TTC12: variants seen among roughly 807,000 people sequenced by gnomAD.
The protein encoded by TTC12 is tetratricopeptide repeat protein 12.
Under a neutral mutation model 90.1 loss-of-function variants are expected in TTC12, and 70 were observed. The ratio of observed to expected loss-of-function variants is 0.78; its 90% CI spans 0.64 to 0.95. TTC12 has a LOEUF of 0.95. Ranked by LOEUF, TTC12 falls within the 40% of genes least tolerant of loss-of-function variation. The pLI is 0.00. For synonymous variants in TTC12, 296 were observed against 311.5 expected (o/e 0.95, Z 0.53); for missense variants, 819 against 846.1 (o/e 0.97, Z 0.40).
Position 113,340,839 on chromosome 11 carries a change from C to G in TTC12, c.896+106C>G, listed in dbSNP as rs986455681. ...AGACAGTCACGTTTCTGAACATTAC[C>G]CCCCTTCAGTCAGTAGTGGGGGGCT... On this transcript the variant is annotated intron_variant, in intron 11 of 21. Transcript: ENST00000529221. 1.3e-5 allele frequency: 12 copies of G among 950,054 alleles called. No homozygotes were observed. In the African/African-American group the frequency reaches 1.9e-4, roughly 15 times the overall value. 58.9% of individuals were successfully genotyped at this position (950,054 alleles called of 1,614,324 possible).
Position 113,325,533 on chromosome 11 carries a change from A to G in TTC12, c.332A>G (p.Glu111Gly). 2 of 1,613,734 alleles carry G rather than the reference A, an allele frequency of 1.2e-6. No homozygotes were observed. The highest frequency in any genetic ancestry group is 2.7e-5 in the African/African-American group (2 of 75,020). Residue 111 changes from glutamate (E) to glycine (G), a missense_variant, in exon 6 of 22, where the codon GAA (glutamate) becomes GGA (glycine). Transcript: ENST00000529221. ...ACTTATATTCCCATAGCCCTAAAAG[A>G]AAAAGGGAATGAAGCATTTGCTGAA... ...ENKVLADALK[E>G]KGNEAFAEGN... is the part of the protein sequence containing the mutation.
chr11:113,355,074 A>C (rs1385849189), intron 16 of TTC12, among the ~76,000 whole-genome samples: 1 of 152,190 alleles, frequency 6.6e-6, no homozygotes, highest in African/African-American at 2.4e-5. Context: ...TCAGCTGTGA[A>C]TCTAGCTGGT....
intron 11 of TTC12, 49 bp downstream of exon 11, chr11:113,340,782 C>T (rs1555145769): frequency 2.7e-6 from 4 of 1,468,734 alleles, no homozygotes; most frequent in Non-Finnish European, 3.8e-6. Flanking sequence ...GGGAAGATAA[C>T]CACTGCTTAT....
intron 2 of TTC12, among the ~76,000 whole-genome samples, chr11:113,317,767 A>G (rs1165637703): frequency 6.6e-6 from 1 of 151,856 alleles, no homozygotes. Flanking sequence ...CACACTCTGC[A>G]CTGGATCTTT....
intron 7 of TTC12, among the ~76,000 whole-genome samples, chr11:113,331,571 C>A (rs1267679488): frequency 6.6e-6 from 1 of 152,164 alleles, no homozygotes; most frequent in Non-Finnish European, 1.5e-5. Context: ...AACTTTAAAC[C>A]CCGTAATCCC....
intron 1 of TTC12, among the ~76,000 whole-genome samples, chr11:113,315,741 G>A (rs12802470): frequency 0.067 from 10,139 of 152,280 alleles, 542 homozygotes; most frequent in Middle Eastern, 0.16. Context: ...CAGTCAATTT[G>A]TACCCTTTCT....
intron 18 of TTC12, among the ~76,000 whole-genome samples, chr11:113,361,964 A>G (rs1220925665): frequency 6.6e-6 from 1 of 151,852 alleles, no homozygotes; most frequent in Non-Finnish European, 1.5e-5. Flanking sequence ...TAAAAAAAAA[A>G]AAAAAGAAAG....
chr11:113,355,115 A>G (rs543807912), intron 16 of TTC12, among the ~76,000 whole-genome samples: 54 of 152,234 alleles, frequency 3.5e-4, no homozygotes, highest in African/African-American at 1.3e-3. Flanking sequence ...TAGGCTCTTT[A>G]TTACTGACTT....
At chr11:113,337,464 C>A (rs11214579) in intron 8 of TTC12, among the ~76,000 whole-genome samples, 96,453 of 151,938 alleles carry the variant, frequency 0.63, 30,841 homozygotes, top group African/African-American at 0.68. Context: ...GAGGGAGTGA[C>A]GTGAGCAAAC....
intron 6 of TTC12, chr11:113,329,656 G>C: frequency 1.8e-6 from 1 of 559,712 alleles, no homozygotes; most frequent in South Asian, 1.5e-5. Context: ...GGTAATGGCT[G>C]TCCACTGTTG....
chr11:113,369,612 T>C (rs1950328625), downstream of TTC12, among the ~76,000 whole-genome samples: 1 of 152,148 alleles, frequency 6.6e-6, no homozygotes, highest in African/African-American at 2.4e-5. Context: ...GAGTCAGAAT[T>C]TGACCCCAAG....
At chr11:113,365,144 G>T in intron 21 of TTC12, 84 bp downstream of exon 21, 1 of 1,219,228 alleles carries the variant, frequency 8.2e-7, no homozygotes, top group South Asian at 1.3e-5. Flanking sequence ...GGGACTGCAT[G>T]CCACACAGAA....
intron 13 of TTC12, among the ~76,000 whole-genome samples, chr11:113,345,491 TG>T (rs1352592401): frequency 6.6e-6 from 1 of 152,228 alleles, no homozygotes; most frequent in Non-Finnish European, 1.5e-5. Context: ...AACTGGCTCC[TG>T]TTCCTTCCAG....
chr11:113,316,644 C>A (rs1555135783), intron 2 of TTC12, among the ~76,000 whole-genome samples: 5 of 152,220 alleles, frequency 3.3e-5, no homozygotes, highest in Non-Finnish European at 7.3e-5. Context: ...CTTCAAGGGT[C>A]AAGAACCTCA....
chr11:113,362,041 A>T (rs879985980), intron 18 of TTC12, among the ~76,000 whole-genome samples: 1 of 152,148 alleles, frequency 6.6e-6, no homozygotes, highest in Non-Finnish European at 1.5e-5. Flanking sequence ...ATTCGAAAAG[A>T]TAAAGATAAA....
chr11:113,337,791 TC>T (rs1948451540), intron 8 of TTC12, among the ~76,000 whole-genome samples: 1 of 151,390 alleles, frequency 6.6e-6, no homozygotes, highest in South Asian at 2.1e-4. Flanking sequence ...GCAATAAATA[TC>T]CAAGCAAGAG....
Position 113,325,605 on chromosome 11 carries a change from A to G in TTC12, c.404A>G (p.Lys135Arg). 6.2e-7 allele frequency: 1 copy of G among 1,614,028 alleles called. No individual in the cohort carries two copies. The highest frequency in any genetic ancestry group is 8.5e-7 in the Non-Finnish European group (1 of 1,179,870). ...AILRYSEGLE[K>R]LKDMKVLYTN... is the part of the protein sequence containing the mutation. ...CTGCGCTACAGTGAGGGTTTGGAGA[A>G]GCTGAAGGACATGAAAGTGCTGTAC... The change falls in exon 6 of 22, where the codon AAG becomes AGG. Residue 135 changes from lysine (K) to arginine (R), a missense_variant. Coordinates refer to ENST00000529221, the MANE Select transcript of TTC12 (RefSeq NM_017868.4).
At chr11:113,325,795 C>G (rs1555140886) in intron 6 of TTC12, 150 bp downstream of exon 6, 3 of 901,180 alleles carry the variant, frequency 3.3e-6, no homozygotes, top group Non-Finnish European at 4.9e-6. Flanking sequence ...GACTTATACA[C>G]AGCATTTACC....
chr11:113,359,796 A>G (rs958260075), intron 17 of TTC12, 144 bp from the exon 18 acceptor site: 170 of 653,692 alleles, frequency 2.6e-4, no homozygotes, highest in Admixed American at 1.1e-4. Context: ...GGGAGGAATA[A>G]AAGCAGTAAA....
Sources: allele counts gnomAD v4.1 joint callset (sites outside exome capture counted in the v4.1 genomes callset), GRCh38; gene constraint gnomAD v4.1.1; transcripts MANE v1.5; gene names NCBI Gene and HGNC (gene_info 2026-07-23, HGNC 2026-07-21).